The following GALNT14 variants were observed in gnomAD, a reference collection of about 807,000 sequenced individuals.
The protein encoded by GALNT14 is polypeptide N-acetylgalactosaminyltransferase 14, also known as UDP-GalNAc:polypeptide N-acetylgalactosaminyltransferase 14.
A neutral mutation model predicts 77.5 loss-of-function variants in GALNT14; 60 were observed. The ratio of observed to expected loss-of-function variants is 0.77; its 90% confidence interval spans 0.63 to 0.96. The LOEUF is 0.96. Ranked by LOEUF, GALNT14 falls within the 40% of genes least tolerant of loss-of-function variation. The pLI is 0.00. For missense variants in GALNT14, 710 were observed against 731.0 expected, an observed-to-expected ratio of 0.97 and a Z score of 0.33; for synonymous variants, 280 against 281.7, an observed-to-expected ratio of 0.99 and a Z score of 0.06.
chr2:30,981,654 C>G (rs575637971), intron 2 of GALNT14, among the ~76,000 whole-genome samples: 1 of 147,900 alleles, frequency 6.8e-6, no homozygotes, highest in Admixed American at 6.8e-5. Context: ...TAATCCAGGG[C>G]AGGGGGAGGG....
At chr2:30,941,846 T>C (rs1435442601) in intron 9 of GALNT14, among the ~76,000 whole-genome samples, 1 of 152,188 alleles carries the variant, frequency 6.6e-6, no homozygotes, top group Non-Finnish European at 1.5e-5. Context: ...AATGCATCAC[T>C]CCTTGCTCAA....
intron 1 of GALNT14, among the ~76,000 whole-genome samples, chr2:31,056,582 T>C (rs1182645309): frequency 6.6e-6 from 1 of 152,194 alleles, no homozygotes; most frequent in African/African-American, 2.4e-5. Flanking sequence ...CCAGGGGTTC[T>C]GGGTCTTTCG....
intron 3 of GALNT14, among the ~76,000 whole-genome samples, chr2:30,962,914 A>T (rs1234835947): frequency 6.6e-6 from 1 of 152,146 alleles, no homozygotes; most frequent in Non-Finnish European, 1.5e-5. Context: ...CAGGATAGAG[A>T]GTGAAAGGGA....
chr2:31,058,499 G>A (rs139608218), intron 1 of GALNT14, among the ~76,000 whole-genome samples: 1,798 of 152,226 alleles, frequency 0.012, 29 homozygotes, highest in Middle Eastern at 0.017. Context: ...TCTAGGGAAG[G>A]TCTTTGGGTG....
intron 1 of GALNT14, among the ~76,000 whole-genome samples, chr2:31,100,066 C>A (rs1442534653): frequency 6.6e-6 from 1 of 151,756 alleles, no homozygotes; most frequent in African/African-American, 2.4e-5. Context: ...TTCATATAGA[C>A]CCTGGATATT....
intron 1 of GALNT14, among the ~76,000 whole-genome samples, chr2:31,087,477 A>AAGGAGGGGAGAAGAGAGGAG: frequency 9.5e-6 from 1 of 104,756 alleles, no homozygotes; most frequent in African/African-American, 4.2e-5. Context: ...GGAGACAGGA[A>AAGGAGGGGAGAAGAGAGGAG]AGGAGAGGAG....
intron 1 of GALNT14, among the ~76,000 whole-genome samples, chr2:31,111,665 A>G (rs6733378): frequency 0.048 from 7,358 of 152,282 alleles, 605 homozygotes; most frequent in African/African-American, 0.17. Flanking sequence ...ACAGTCTGAC[A>G]TGCATCATCC....
chr2:31,122,270 G>A (rs1162216134), intron 1 of GALNT14, among the ~76,000 whole-genome samples: 4 of 152,222 alleles, frequency 2.6e-5, no homozygotes, highest in Non-Finnish European at 5.9e-5. Flanking sequence ...TGAAACAGCC[G>A]TGATGGTGAT....
intron 1 of GALNT14, among the ~76,000 whole-genome samples, chr2:31,016,294 T>C (rs1016379105): frequency 1.3e-4 from 20 of 152,248 alleles, no homozygotes; most frequent in African/African-American, 4.8e-4. Context: ...TCTTCCCTTC[T>C]TGTAAGGACA....
In GALNT14 at chr2:30,924,185, G is replaced by A. The variant is rs2148230767; in HGVS notation, c.1314C>T (p.Asn438=). 6.2e-7 allele frequency: 1 copy of A among 1,614,184 alleles called. No individual in the cohort carries two copies. The highest frequency in any genetic ancestry group is 2.2e-5 in the East Asian group (1 of 44,884). Residue 438 remains asparagine (N), a synonymous_variant, in exon 13 of 15, where the codon AAC becomes AAT. Coordinates refer to ENST00000349752, the MANE Select transcript of GALNT14 (RefSeq NM_024572.4). ...TCAACTTTAGGTTTGGGGTTTCTTG[G>A]TTGTTCTGCCTTTGAGATTCCAGGC... ...QKCLESQRQN[N]QETPNLKLSP... is the part of the protein sequence containing the mutation.
chr2:31,070,195 C>G (rs12998538), intron 1 of GALNT14, among the ~76,000 whole-genome samples: 1 of 152,132 alleles, frequency 6.6e-6, no homozygotes, highest in East Asian at 1.9e-4. Flanking sequence ...TGACCACGGG[C>G]TATTCCACCA....
At chr2:30,920,630 TACACACAC>T (rs140659655) in intron 13 of GALNT14, among the ~76,000 whole-genome samples, 13 of 145,104 alleles carry the variant, frequency 9.0e-5, no homozygotes, top group African/African-American at 3.0e-4. Context: ...GAGTGTATGC[TACACACAC>T]ACACACACAC....
intron 1 of GALNT14, among the ~76,000 whole-genome samples, chr2:31,116,590 T>C (rs1678118017): frequency 6.6e-6 from 1 of 152,084 alleles, no homozygotes; most frequent in Admixed American, 6.5e-5. Context: ...AAACTCTTGA[T>C]AGTAGGAGAT....
chr2:30,957,779 A>T (rs1667455325), intron 4 of GALNT14, among the ~76,000 whole-genome samples: 1 of 152,210 alleles, frequency 6.6e-6, no homozygotes, highest in Non-Finnish European at 1.5e-5. Flanking sequence ...GTCACCAGGA[A>T]GAGGGTGTTC....
At chr2:30,989,519 CTAGAATTTGAA>C in intron 2 of GALNT14, among the ~76,000 whole-genome samples, 1 of 132,986 alleles carries the variant, frequency 7.5e-6, no homozygotes, top group Non-Finnish European at 1.6e-5. Context: ...ATAGCAACAA[CTAGAATTTGAA>C]AAATATTTAC....
Position 31,003,483 on chromosome 2 carries a change from C to T in GALNT14, c.130-10476G>A, listed in dbSNP as rs79196831. 8.7e-4 allele frequency among the ~76,000 whole-genome samples: 133 copies of T among 152,302 alleles called. 2 individuals carry two copies. The East Asian group carries it at 0.019, about 22-fold the overall frequency. On this transcript the variant is annotated intron_variant, in intron 1 of 14. Transcript: ENST00000349752. ...CTCTGCTGTGGCATCTCTGAGCCCCCGGAGGGTCTGCCAGCCAGGCCAAGC... is the reference window on the plus strand; with the variant it reads ...CTCTGCTGTGGCATCTCTGAGCCCCTGGAGGGTCTGCCAGCCAGGCCAAGC...
At chr2:31,132,688 G>A (rs1278007401) in intron 1 of GALNT14, 5 of 471,030 alleles carry the variant, frequency 1.1e-5, no homozygotes, top group Non-Finnish European at 2.2e-5. Flanking sequence ...CCTGGGTGTA[G>A]GCTGCACTAA....
intron 1 of GALNT14, among the ~76,000 whole-genome samples, chr2:31,010,339 C>T (rs1049420404): frequency 9.2e-5 from 14 of 152,196 alleles, no homozygotes; most frequent in African/African-American, 3.4e-4. Context: ...GTAGCTCATG[C>T]CTGTAATCCC....
intron 1 of GALNT14, among the ~76,000 whole-genome samples, chr2:31,053,785 C>G (rs537209704): frequency 6.6e-6 from 1 of 152,268 alleles, no homozygotes; most frequent in Admixed American, 6.5e-5. Context: ...TGCTTTCTAA[C>G]GAGAGACATA....
Sources: gnomAD v4.1 joint callset for allele counts (sites outside exome capture counted in the v4.1 genomes callset) on GRCh38, gnomAD v4.1.1 for gene constraint, MANE v1.5 for transcripts, NCBI Gene and HGNC (gene_info 2026-07-23, HGNC 2026-07-21) for gene names.